ZNF334: variants seen among roughly 807,000 people sequenced by gnomAD.
ZNF334 encodes the protein zinc finger protein 334.
A neutral mutation model predicts 12.4 loss-of-function variants in ZNF334; 14 were observed. The observed-to-expected ratio is 1.13, with a 90% CI of 0.74 to 1.76. ZNF334 has a LOEUF of 1.76. ZNF334 is among the 40% of genes most tolerant of loss of function. The pLI, the probability that ZNF334 is intolerant of heterozygous loss-of-function variation, is 0.00. For missense variants in ZNF334, 797 were observed against 804.5 expected, an observed-to-expected ratio of 0.99 and a Z score of 0.11; for synonymous variants, 273 against 269.6, an observed-to-expected ratio of 1.01 and a Z score of -0.12.
intron 1 of ZNF334, among the ~76,000 whole-genome samples, 167 bp downstream of exon 1, chr20:46,512,373 A>C (rs1416735793): frequency 6.6e-6 from 1 of 152,230 alleles, no homozygotes; most frequent in Admixed American, 6.5e-5. Flanking sequence ...AATTACTGTC[A>C]ATCTATGCCT....
chr20:46,469,234 A>G, the ZNF334 span, among the ~76,000 whole-genome samples: 3 of 152,174 alleles, frequency 2.0e-5, no homozygotes, highest in African/African-American at 7.2e-5. Context: ...ACTGGGAGGG[A>G]GCCAAGAGAC....
At chr20:46,496,800 C>G (rs1478480249), downstream of ZNF334, 1 of 152,300 alleles carries the variant, frequency 6.6e-6, no homozygotes. Context: ...AGCTCCTGGG[C>G]TAGGTGTGTG....
At chr20:46,468,872 T>C in the ZNF334 span, among the ~76,000 whole-genome samples, 25,741 of 152,136 alleles carry the variant, frequency 0.17, 2,477 homozygotes, top group African/African-American at 0.26. Context: ...TAATTACTAA[T>C]ATGATCATTC....
At chr20:46,483,327 G>A in the ZNF334 span, among the ~76,000 whole-genome samples, 1 of 151,822 alleles carries the variant, frequency 6.6e-6, no homozygotes, top group Non-Finnish European at 1.5e-5. Context: ...AATTCTGAAT[G>A]AGTTCCTTGT....
At chr20:46,468,352 T>C in the ZNF334 span, among the ~76,000 whole-genome samples, 1 of 151,678 alleles carries the variant, frequency 6.6e-6, no homozygotes, top group Admixed American at 6.6e-5. Context: ...CTCGGCTCAC[T>C]GCAACCTCAA....
chr20:46,504,611 T>C lies in ZNF334; in HGVS notation c.148+3A>G. ...GGGAGTTGTACAGGGAAATAGTCCT[T>C]ACCCACAGAGACCAAGTTGCTGTAG... is the stretch of plus-strand genomic sequence containing the variant. On this transcript the variant is annotated splice_donor_region_variant and intron_variant, in intron 3 of 4. Transcript: ENST00000692313. 1.3e-6 allele frequency: 2 copies of C among 1,596,068 alleles called. No homozygotes were observed. The highest frequency in any genetic ancestry group is 2.7e-5 in the African/African-American group (2 of 73,930).
intron 2 of ZNF334, chr20:46,506,150 A>G (rs2061423162): frequency 5.1e-6 from 2 of 395,470 alleles, no homozygotes; most frequent in South Asian, 2.4e-4. Context: ...AAGTACAGAT[A>G]TCTAGCTGGC....
At chr20:46,511,544 G>C (rs567738534) in intron 2 of ZNF334, among the ~76,000 whole-genome samples, 1 of 152,326 alleles carries the variant, frequency 6.6e-6, no homozygotes, top group South Asian at 2.1e-4. Flanking sequence ...TCTAGAACTT[G>C]TTTTATAAGT....
chr20:46,493,540 T>C, the ZNF334 span, among the ~76,000 whole-genome samples: 20 of 152,244 alleles, frequency 1.3e-4, no homozygotes, highest in African/African-American at 4.6e-4. Context: ...TCCCAGCACT[T>C]TGGGAGACTG....
chr20:46,490,225 G>T, the ZNF334 span, among the ~76,000 whole-genome samples: 6 of 152,104 alleles, frequency 3.9e-5, no homozygotes, highest in Admixed American at 3.3e-4. Context: ...AATTAACAAA[G>T]ATGTAGATTT....
At position 46,502,348 on chromosome 20, in the gene ZNF334, A is replaced by G. The variant is rs767547625; in HGVS notation, c.991T>C (p.Phe331Leu). ...TGTTCAGCCAGGGCTGACTTCCGAA[A>G]AAAGGTCTTTCCACATTCATTACAC... Reference protein sequence around the residue: ...YECNECGKTFFRKSALAEHFR... With the variant: ...YECNECGKTFLRKSALAEHFR... The change falls in exon 5 of 5, where the codon TTT (phenylalanine) becomes CTT (leucine). Residue 331 changes from phenylalanine (F) to leucine (L), a missense_variant. Coordinates refer to ENST00000692313, the MANE Select transcript of ZNF334 (RefSeq NM_001353824.2). The G allele has an allele frequency of 4.3e-6, 7 of 1,614,100 alleles. No individual in the cohort carries two copies. The highest frequency in any genetic ancestry group is 5.9e-6 in the Non-Finnish European group (7 of 1,180,010).
At chr20:46,494,790 A>T (rs1358515899), downstream of ZNF334, among the ~76,000 whole-genome samples, 1 of 152,210 alleles carries the variant, frequency 6.6e-6, no homozygotes, top group East Asian at 1.9e-4. Context: ...TTCCTAGGAC[A>T]CACCAGAACA....
chr20:46,487,044 G>C, the ZNF334 span, among the ~76,000 whole-genome samples: 1 of 151,396 alleles, frequency 6.6e-6, no homozygotes, highest in African/African-American at 2.4e-5. Flanking sequence ...TAAAATGTAC[G>C]GTTACTCCTG....
chr20:46,463,790 T>G, the ZNF334 span: 2 of 262,760 alleles, frequency 7.6e-6, no homozygotes, highest in African/African-American at 4.4e-5. Flanking sequence ...GCACCTGGAG[T>G]TGATAGGCCT....
chr20:46,485,898 A>C, the ZNF334 span, among the ~76,000 whole-genome samples: 1 of 152,164 alleles, frequency 6.6e-6, no homozygotes, highest in African/African-American at 2.4e-5. Flanking sequence ...TCCTACCCCC[A>C]AAATACTTCT....
the ZNF334 span, among the ~76,000 whole-genome samples, chr20:46,462,854 T>A: frequency 6.6e-6 from 1 of 152,204 alleles, no homozygotes; most frequent in Non-Finnish European, 1.5e-5. Flanking sequence ...ATACTCACAC[T>A]CACACACACC....
chr20:46,498,400 T>C (rs1207086180), downstream of ZNF334, among the ~76,000 whole-genome samples: 1 of 152,200 alleles, frequency 6.6e-6, no homozygotes, highest in Non-Finnish European at 1.5e-5. Context: ...AGAAACCCTA[T>C]GGAGAGGTCC....
At chr20:46,482,612 ACT>A in the ZNF334 span, among the ~76,000 whole-genome samples, 19 of 152,048 alleles carry the variant, frequency 1.2e-4, no homozygotes, top group Non-Finnish European at 5.9e-5. Context: ...CTACTCAACC[ACT>A]GTCTTTAGTT....
At chr20:46,490,390 A>T in the ZNF334 span, among the ~76,000 whole-genome samples, 17,213 of 152,154 alleles carry the variant, frequency 0.11, 1,565 homozygotes, top group African/African-American at 0.25. Context: ...AAGTATCCCC[A>T]ATTCTGATGT....
Sources: gnomAD v4.1 joint callset for allele counts (sites outside exome capture counted in the v4.1 genomes callset) on GRCh38, gnomAD v4.1.1 for gene constraint, MANE v1.5 for transcripts, NCBI Gene and HGNC (gene_info 2026-07-23, HGNC 2026-07-21) for gene names.